Variants in SLC44A5 observed in about 807,000 individuals in gnomAD.
SLC44A5 encodes choline transporter-like protein 5.
SLC44A5 carries 57 observed loss-of-function variants against 101.8 expected under a neutral mutation model. The ratio of observed to expected loss-of-function variants is 0.56; its 90% confidence interval spans 0.45 to 0.70. The LOEUF is 0.70. Ranked by LOEUF, SLC44A5 falls within the 30% of genes least tolerant of loss-of-function variation. The probability of loss-of-function intolerance (pLI) is 0.00; values close to 1 mark genes in which losing one functional copy is unlikely to be tolerated. For synonymous variants in SLC44A5, 281 were observed against 290.9 expected (o/e 0.97, Z 0.35); for missense variants, 737 against 853.1 (o/e 0.86, Z 1.70).
chr1:75,532,697 G>A (rs1329949161), intron 2 of SLC44A5, among the ~76,000 whole-genome samples: 1 of 152,136 alleles, frequency 6.6e-6, no homozygotes, highest in African/African-American at 2.4e-5. Context: ...GCTAAGAGCT[G>A]TATCCCCAGT....
intron 1 of SLC44A5, among the ~76,000 whole-genome samples, chr1:75,582,706 T>C (rs1570670813): frequency 6.6e-6 from 1 of 152,216 alleles, no homozygotes; most frequent in African/African-American, 2.4e-5. Context: ...CAAAAAAGTA[T>C]AGATTTTTAA....
chr1:75,694,922 A>C, the SLC44A5 span, among the ~76,000 whole-genome samples: 10 of 152,306 alleles, frequency 6.6e-5, no homozygotes, highest in African/African-American at 2.4e-4. Context: ...TCAGCATTTG[A>C]CATATTACTT....
At chr1:75,260,625 T>G (rs1251116943) in intron 6 of SLC44A5, among the ~76,000 whole-genome samples, 1 of 152,006 alleles carries the variant, frequency 6.6e-6, no homozygotes, top group Admixed American at 6.6e-5. Context: ...TGAGACAGAA[T>G]GTTAACAAGG....
At chr1:75,614,943 C>G (rs1467078022), upstream of SLC44A5, among the ~76,000 whole-genome samples, 1 of 152,092 alleles carries the variant, frequency 6.6e-6, no homozygotes, top group Non-Finnish European at 1.5e-5. Flanking sequence ...GCGACCTCTG[C>G]GAGTCCGCGC....
chr1:75,388,282 C>G (rs1215124895), intron 3 of SLC44A5, among the ~76,000 whole-genome samples: 1 of 146,654 alleles, frequency 6.8e-6, no homozygotes, highest in Non-Finnish European at 1.5e-5. Flanking sequence ...TTCATTACCA[C>G]TAGACCAGTT....
intron 4 of SLC44A5, among the ~76,000 whole-genome samples, chr1:75,320,041 C>A (rs1213561602): frequency 6.6e-6 from 1 of 151,998 alleles, no homozygotes; most frequent in African/African-American, 2.4e-5. Context: ...CCTTCCTAGC[C>A]TAAAGAAGAG....
At chr1:75,603,183 T>C (rs1281057441) in intron 1 of SLC44A5, among the ~76,000 whole-genome samples, 2 of 152,066 alleles carry the variant, frequency 1.3e-5, no homozygotes, top group Non-Finnish European at 2.9e-5. Context: ...CATCTTTATG[T>C]CTATTAGTAC....
chr1:75,476,615 G>A lies in SLC44A5; in HGVS notation c.13+64820C>T, dbSNP rs564550163. On this transcript the variant is annotated intron_variant, in intron 2 of 23. Coordinates refer to ENST00000370859, the MANE Select transcript of SLC44A5 (RefSeq NM_001130058.2). The stretch of plus-strand genomic sequence containing the variant: ...GGAGATTATATCCCACACCTGGCTC[G>A]GAGGGTCCTACGCCCACGGAGTCTC... Among the ~76,000 whole-genome samples, 373 of 152,350 alleles carry A rather than the reference G, an allele frequency of 2.4e-3. 2 individuals carry two copies. The highest frequency in any genetic ancestry group is 3.5e-3 in the Non-Finnish European group (240 of 68,024).
At chr1:75,595,856 A>G (rs941020944) in intron 1 of SLC44A5, among the ~76,000 whole-genome samples, 22 of 152,214 alleles carry the variant, frequency 1.4e-4, no homozygotes, top group South Asian at 2.1e-4. Flanking sequence ...AATAGGACAG[A>G]AAGAAAAATG....
intron 4 of SLC44A5, among the ~76,000 whole-genome samples, chr1:75,312,246 C>T (rs543802916): frequency 1.3e-5 from 2 of 152,220 alleles, no homozygotes; most frequent in Non-Finnish European, 2.9e-5. Context: ...GGAACGGAGT[C>T]AATTAAACCT....
chr1:75,653,601 C>T, the SLC44A5 span, among the ~76,000 whole-genome samples: 1 of 152,186 alleles, frequency 6.6e-6, no homozygotes, highest in Admixed American at 6.5e-5. Context: ...TAAGCAATTA[C>T]TCTGCAAAAT....
chr1:75,455,377 A>C (rs777505701), intron 2 of SLC44A5, among the ~76,000 whole-genome samples: 4 of 152,150 alleles, frequency 2.6e-5, no homozygotes, highest in African/African-American at 4.8e-5. Flanking sequence ...AAATGGATTA[A>C]ATATTTAAAT....
chr1:75,291,793 C>T (rs954377787), intron 5 of SLC44A5, among the ~76,000 whole-genome samples: 2 of 151,936 alleles, frequency 1.3e-5, no homozygotes, highest in Non-Finnish European at 2.9e-5. Context: ...GGGTGGATCA[C>T]GAGTTCAGGA....
At chr1:75,533,778 G>C (rs1670851607) in intron 2 of SLC44A5, among the ~76,000 whole-genome samples, 1 of 152,070 alleles carries the variant, frequency 6.6e-6, no homozygotes, top group Non-Finnish European at 1.5e-5. Context: ...CCCTATTCTT[G>C]AATATTTTCT....
At chr1:75,678,336 T>G in the SLC44A5 span, among the ~76,000 whole-genome samples, 2 of 152,144 alleles carry the variant, frequency 1.3e-5, no homozygotes, top group African/African-American at 4.8e-5. Context: ...AACACAGCAG[T>G]AACCTCTGCA....
chr1:75,518,729 T>C (rs949441503), intron 2 of SLC44A5, among the ~76,000 whole-genome samples: 1 of 152,218 alleles, frequency 6.6e-6, no homozygotes, highest in Non-Finnish European at 1.5e-5. Flanking sequence ...CAAAAAGTTA[T>C]TAGTAAAAGA....
chr1:75,723,405 C>G, the SLC44A5 span, among the ~76,000 whole-genome samples: 2 of 151,854 alleles, frequency 1.3e-5, no homozygotes, highest in African/African-American at 4.8e-5. Context: ...GAGCTGCAGG[C>G]ACAGACAAAC....
intron 7 of SLC44A5, among the ~76,000 whole-genome samples, chr1:75,243,779 C>T (rs765123487): frequency 1.3e-5 from 2 of 151,894 alleles, no homozygotes; most frequent in Non-Finnish European, 2.9e-5. Context: ...GGAGATGGGG[C>T]CTAATGGGAG....
chr1:75,693,414 C>T, the SLC44A5 span, among the ~76,000 whole-genome samples: 1 of 152,158 alleles, frequency 6.6e-6, no homozygotes, highest in African/African-American at 2.4e-5. Flanking sequence ...AAACCCACTG[C>T]CTCCTAGTTT....
Sources: gnomAD v4.1 joint callset for allele counts (sites outside exome capture counted in the v4.1 genomes callset) on GRCh38, gnomAD v4.1.1 for gene constraint, MANE v1.5 for transcripts, NCBI Gene and HGNC (gene_info 2026-07-23, HGNC 2026-07-21) for gene names.